NOS1AP: variants seen among roughly 807,000 people sequenced by gnomAD.
NOS1AP encodes nitric oxide synthase 1 adaptor protein.
In NOS1AP, 21 loss-of-function variants were observed where a neutral mutation model predicts 56.2. The observed-to-expected ratio is 0.37, with a 90% CI of 0.26 to 0.54. The LOEUF (loss-of-function observed/expected upper bound fraction) is 0.54, where lower values mean the gene tolerates loss of function less well. NOS1AP is among the 20% of genes least tolerant of loss of function. NOS1AP has a pLI of 0.84. For synonymous variants in NOS1AP, 270 were observed against 274.6 expected (o/e 0.98, Z 0.17); for missense variants, 522 against 657.8 (o/e 0.79, Z 2.26).
At chr1:162,365,209 C>T (rs1488064192) in intron 8 of NOS1AP, 195 bp from the exon 9 acceptor site, 2 of 1,452,626 alleles carry the variant, frequency 1.4e-6, no homozygotes, top group East Asian at 2.5e-5. Flanking sequence ...CTTCGCAGTG[C>T]CAGTGAACCC....
intron 4 of NOS1AP, among the ~76,000 whole-genome samples, chr1:162,318,496 C>G (rs1427165568): frequency 6.6e-6 from 1 of 152,168 alleles, no homozygotes; most frequent in Non-Finnish European, 1.5e-5. Flanking sequence ...TGGAGACTCT[C>G]TGCTCCCTCA....
intron 1 of NOS1AP, among the ~76,000 whole-genome samples, chr1:162,078,323 A>G (rs1390838780): frequency 2.6e-5 from 4 of 152,134 alleles, no homozygotes; most frequent in Non-Finnish European, 5.9e-5. Context: ...TTGTCTTTTA[A>G]CGACCCCACC....
intron 2 of NOS1AP, among the ~76,000 whole-genome samples, chr1:162,234,332 C>T (rs986687765): frequency 6.6e-6 from 1 of 152,194 alleles, no homozygotes; most frequent in African/African-American, 2.4e-5. Context: ...TCATAGAGTG[C>T]ATTGAGGACC....
At chr1:162,227,871 A>T (rs1456917539) in intron 2 of NOS1AP, among the ~76,000 whole-genome samples, 1 of 152,230 alleles carries the variant, frequency 6.6e-6, no homozygotes, top group African/African-American at 2.4e-5. Context: ...CTGTCAAACA[A>T]GATAATTTAA....
chr1:162,145,905 G>T (rs759397675), intron 1 of NOS1AP, among the ~76,000 whole-genome samples: 6 of 152,182 alleles, frequency 3.9e-5, no homozygotes, highest in Non-Finnish European at 8.8e-5. Flanking sequence ...GAGTTTGGAA[G>T]AATGCAGGGG....
At chr1:162,221,532 GCGCACACACACACACACA>G (rs1285565517) in intron 2 of NOS1AP, among the ~76,000 whole-genome samples, 1 of 132,716 alleles carries the variant, frequency 7.5e-6, no homozygotes, top group Non-Finnish European at 1.5e-5. Flanking sequence ...ACACACACGC[GCGCACACACACACACACA>G]CACACACACA....
At chr1:162,145,576 A>G (rs1323844023) in intron 1 of NOS1AP, among the ~76,000 whole-genome samples, 2 of 152,186 alleles carry the variant, frequency 1.3e-5, no homozygotes, top group African/African-American at 4.8e-5. Context: ...CACCCTGGTC[A>G]CATTCATAAT....
At chr1:162,298,403 C>T (rs912065148) in intron 3 of NOS1AP, among the ~76,000 whole-genome samples, 3 of 152,246 alleles carry the variant, frequency 2.0e-5, no homozygotes, top group Non-Finnish European at 4.4e-5. Context: ...CTCCAAGGCA[C>T]TCCTACCCCT....
intron 9 of NOS1AP, among the ~76,000 whole-genome samples, chr1:162,365,853 A>C (rs1456445157): frequency 2.0e-5 from 3 of 152,152 alleles, no homozygotes; most frequent in African/African-American, 7.2e-5. Context: ...ATAGGGGCTC[A>C]GGTACTCTGT....
At position 162,359,231 on chromosome 1, in the gene NOS1AP, A is replaced by G. The variant is rs570623493; in HGVS notation, c.939+2095A>G. On this transcript the variant is annotated intron_variant, in intron 8 of 9. Coordinates refer to ENST00000361897, the MANE Select transcript of NOS1AP (RefSeq NM_014697.3). ...ATAGTTGCCCTGCTTGACTCTCAAT[A>G]CAAGCAGTGTGGTGATCAAAAGGCC... 2.6e-5 allele frequency among the ~76,000 whole-genome samples: 4 copies of G among 152,228 alleles called. No individual in the cohort carries two copies. The East Asian group carries it at 7.7e-4, about 29-fold the overall frequency.
At chr1:162,294,592 C>T (rs562700983) in intron 3 of NOS1AP, among the ~76,000 whole-genome samples, 2 of 152,232 alleles carry the variant, frequency 1.3e-5, no homozygotes, top group South Asian at 4.1e-4. Flanking sequence ...AACCTACTCC[C>T]TCTATCTCGC....
At chr1:162,084,018 G>A (rs747556272) in intron 1 of NOS1AP, among the ~76,000 whole-genome samples, 6 of 152,068 alleles carry the variant, frequency 3.9e-5, no homozygotes, top group Non-Finnish European at 8.8e-5. Context: ...GTGCAACCTG[G>A]GCATTGTGAT....
At chr1:162,110,799 A>T (rs765432890) in intron 1 of NOS1AP, among the ~76,000 whole-genome samples, 36 of 152,230 alleles carry the variant, frequency 2.4e-4, no homozygotes, top group Non-Finnish European at 4.3e-4. Flanking sequence ...TGTACATATT[A>T]AAGTTGTATT....
At chr1:162,079,583 T>C (rs1691842366) in intron 1 of NOS1AP, among the ~76,000 whole-genome samples, 1 of 152,204 alleles carries the variant, frequency 6.6e-6, no homozygotes, top group Non-Finnish European at 1.5e-5. Flanking sequence ...CCTTTAGCGT[T>C]CTCATTTGTA....
chr1:162,193,322 T>G (rs1413259906), intron 2 of NOS1AP, among the ~76,000 whole-genome samples: 1 of 152,026 alleles, frequency 6.6e-6, no homozygotes, highest in African/African-American at 2.4e-5. Context: ...GGAGGTAAGC[T>G]GAGGTGAAGG....
At chr1:162,355,975 A>G (rs76363782) in intron 7 of NOS1AP, among the ~76,000 whole-genome samples, 1 of 152,364 alleles carries the variant, frequency 6.6e-6, no homozygotes, top group African/African-American at 2.4e-5. Flanking sequence ...CTAATTAAAA[A>G]TGTTTTAAAC....
intron 2 of NOS1AP, among the ~76,000 whole-genome samples, chr1:162,179,622 G>A (rs1266039420): frequency 6.6e-6 from 1 of 152,168 alleles, no homozygotes; most frequent in Non-Finnish European, 1.5e-5. Flanking sequence ...GAAGCTTCTT[G>A]AGAAAGTCCA....
intron 1 of NOS1AP, among the ~76,000 whole-genome samples, chr1:162,104,984 A>C (rs564240117): frequency 6.6e-6 from 1 of 152,250 alleles, no homozygotes; most frequent in South Asian, 2.1e-4. Context: ...GAGAAGGGGC[A>C]TTCTGGTTTT....
In NOS1AP at chr1:162,125,052, A is replaced by G. The variant is rs143594707; in HGVS notation, c.106-29353A>G. On this transcript the variant is annotated intron_variant, in intron 1 of 9. Coordinates refer to ENST00000361897, the MANE Select transcript of NOS1AP (RefSeq NM_014697.3). ...CCATACTGTTTTCCATAGAGGTTGT[A>G]CTAATTTACATTCCCACCAGCAGTG... Among the ~76,000 whole-genome samples the G allele has an allele frequency of 8.0e-4, 122 of 151,662 alleles. 1 individual carries two copies. In the East Asian group the frequency reaches 0.022, roughly 27 times the overall value.
Sources: allele counts gnomAD v4.1 joint callset (sites outside exome capture counted in the v4.1 genomes callset), GRCh38; gene constraint gnomAD v4.1.1; transcripts MANE v1.5; gene names NCBI Gene and HGNC (gene_info 2026-07-23, HGNC 2026-07-21).